The following EDA variants were observed in gnomAD, a reference collection of about 807,000 sequenced individuals.
EDA encodes ectodysplasin A.
Under a neutral mutation model 23.6 loss-of-function variants are expected in EDA, and 2 were observed. That is an observed-to-expected ratio of 0.08 (90% CI 0.03 to 0.27). The LOEUF (loss-of-function observed/expected upper bound fraction) is 0.27. Among genes scored for constraint, EDA ranks in the 10% least tolerant of loss-of-function variants. The pLI, the probability that EDA is intolerant of heterozygous loss-of-function variation, is 1.00. For missense variants in EDA, 229 were observed against 324.2 expected, an observed-to-expected ratio of 0.71 and a Z score of 2.26; for synonymous variants, 131 against 132.0, an observed-to-expected ratio of 0.99 and a Z score of 0.05.
intron 1 of EDA, among the ~76,000 whole-genome samples, chrX:69,657,851 A>G: frequency 9.0e-6 from 1 of 111,555 alleles, no homozygotes; most frequent in East Asian, 2.8e-4. Context: ...TTTTTGTACC[A>G]TGCTGTTTTG....
At chrX:69,997,004 T>A (rs1033198122) in intron 2 of EDA, among the ~76,000 whole-genome samples, 76 of 111,902 alleles carry the variant, frequency 6.8e-4, no homozygotes, top group African/African-American at 2.3e-3. Context: ...TAGTCTCAGG[T>A]ATGTCTTTAT....
chrX:69,695,843 C>T (rs1016123887), intron 1 of EDA, among the ~76,000 whole-genome samples: 10 of 110,386 alleles, frequency 9.1e-5, no homozygotes, highest in African/African-American at 9.9e-5. Flanking sequence ...TAATATAGAA[C>T]GTGAAGCACA....
At chrX:69,920,619 C>G (rs1215503763) in intron 1 of EDA, among the ~76,000 whole-genome samples, 1 of 110,966 alleles carries the variant, frequency 9.0e-6, no homozygotes, top group Admixed American at 9.6e-5. Context: ...AGGAAGACTA[C>G]AGAGGTAAAA....
intron 7 of EDA, 90 bp downstream of exon 7, chrX:70,033,618 C>A: frequency 9.5e-7 from 1 of 1,053,689 alleles, no homozygotes; most frequent in Non-Finnish European, 1.3e-6. Context: ...CAGCCAAGAC[C>A]ATCCAATGGC....
At chrX:69,857,441 T>C (rs762680411) in intron 1 of EDA, among the ~76,000 whole-genome samples, 36 of 111,517 alleles carry the variant, frequency 3.2e-4, no homozygotes, top group Non-Finnish European at 5.7e-4. Flanking sequence ...GCATTGAATT[T>C]GTAGATTGCT....
At chrX:69,711,526 T>C (rs2012035088) in intron 1 of EDA, among the ~76,000 whole-genome samples, 1 of 111,609 alleles carries the variant, frequency 9.0e-6, no homozygotes, top group Admixed American at 9.5e-5. Context: ...TTAGGGAGGA[T>C]TCCCTCTTTT....
intron 1 of EDA, among the ~76,000 whole-genome samples, chrX:69,889,453 TG>T (rs1240321903): frequency 9.0e-6 from 1 of 111,438 alleles, no homozygotes; most frequent in Non-Finnish European, 1.9e-5. Flanking sequence ...CCTGGCCTTC[TG>T]GTTTGTTTTT....
intron 1 of EDA, among the ~76,000 whole-genome samples, chrX:69,887,232 C>A (rs1195470976): frequency 3.6e-5 from 4 of 111,309 alleles, no homozygotes; most frequent in Non-Finnish European, 7.5e-5. Context: ...TTACTTGAAC[C>A]CAGGAGGTAG....
intron 1 of EDA, among the ~76,000 whole-genome samples, chrX:69,830,525 C>G (rs1056017306): frequency 9.0e-6 from 1 of 111,560 alleles, no homozygotes; most frequent in African/African-American, 3.3e-5. Context: ...ATTAAACTTC[C>G]ATAAATAGTA....
At chrX:69,648,679 A>G (rs1933000211) in intron 1 of EDA, among the ~76,000 whole-genome samples, 1 of 111,528 alleles carries the variant, frequency 9.0e-6, no homozygotes, top group South Asian at 3.8e-4. Context: ...GTGCATCTTA[A>G]TGTGTGAGGT....
intron 1 of EDA, among the ~76,000 whole-genome samples, chrX:69,726,019 G>A (rs1399491775): frequency 9.0e-6 from 1 of 111,708 alleles, no homozygotes; most frequent in African/African-American, 3.3e-5. Flanking sequence ...GATGAGCAGG[G>A]GTTTCAGCGG....
intron 2 of EDA, 29 bp from the exon 3 acceptor site, chrX:70,023,189 C>T: frequency 1.0e-6 from 1 of 986,931 alleles, no homozygotes; most frequent in Non-Finnish European, 1.4e-6. Flanking sequence ...TTTCCAATGA[C>T]TTAATTATCT....
intron 1 of EDA, among the ~76,000 whole-genome samples, chrX:69,825,386 G>A (rs1192509025): frequency 9.2e-6 from 1 of 108,175 alleles, no homozygotes; most frequent in Non-Finnish European, 1.9e-5. Context: ...TCCTGTTATT[G>A]GTCTATTCAG....
In EDA at chrX:69,712,927, C is replaced by T. The variant is rs758125875; in HGVS notation, c.396+96223C>T. On this transcript the variant is annotated intron_variant, in intron 1 of 7. Coordinates refer to ENST00000374552, the MANE Select transcript of EDA (RefSeq NM_001399.5). ...GTCCTTTGTAGGGACATGGATGAAG[C>T]TGGAAACCATCATTCTCAGCAAACT... 1.9e-3 allele frequency among the ~76,000 whole-genome samples: 212 copies of T among 110,347 alleles called. 1 individual carries two copies. The highest frequency in any genetic ancestry group is 6.7e-3 in the African/African-American group (205 of 30,395).
At chrX:69,631,539 A>C (rs1932589589) in intron 1 of EDA, among the ~76,000 whole-genome samples, 1 of 109,718 alleles carries the variant, frequency 9.1e-6, no homozygotes, top group Admixed American at 9.8e-5. Flanking sequence ...ACTGTTTCCA[A>C]CAAGAACCCC....
chrX:69,708,654 G>A (rs5936735), intron 1 of EDA, among the ~76,000 whole-genome samples: 16,455 of 110,712 alleles, frequency 0.15, 1,026 homozygotes, highest in Non-Finnish European at 0.19. Flanking sequence ...AGAAAATTCT[G>A]CAACTCATAT....
intron 1 of EDA, among the ~76,000 whole-genome samples, chrX:69,727,022 A>C (rs773715319): frequency 4.7e-4 from 53 of 111,846 alleles, no homozygotes; most frequent in African/African-American, 1.7e-3. Flanking sequence ...TTCAAGAAGA[A>C]TCAGGTCACA....
intron 2 of EDA, among the ~76,000 whole-genome samples, chrX:69,982,780 G>C (rs1313233340): frequency 2.2e-5 from 2 of 91,085 alleles, no homozygotes; most frequent in Non-Finnish European, 4.3e-5. Flanking sequence ...GGTCCCCTTG[G>C]TGCAGAGCTG....
chrX:69,753,069 TA>T (rs1250886356), intron 1 of EDA, among the ~76,000 whole-genome samples: 1 of 112,060 alleles, frequency 8.9e-6, no homozygotes, highest in Non-Finnish European at 1.9e-5. Flanking sequence ...TTTGTGTCTC[TA>T]TCTCCTTCAG....
Sources: allele counts gnomAD v4.1 joint callset (sites outside exome capture counted in the v4.1 genomes callset), GRCh38; gene constraint gnomAD v4.1.1; transcripts MANE v1.5; gene names NCBI Gene and HGNC (gene_info 2026-07-23, HGNC 2026-07-21).